The following ELP2 variants were observed in gnomAD, a reference collection of about 807,000 sequenced individuals.
The protein encoded by ELP2 is elongator complex protein 2.
Under a neutral mutation model 119.2 loss-of-function variants are expected in ELP2, and 90 were observed. That is an observed-to-expected ratio of 0.75 (90% CI 0.64 to 0.90). The LOEUF (loss-of-function observed/expected upper bound fraction) is 0.90, where lower values mean the gene tolerates loss of function less well. Ranked by LOEUF, ELP2 falls within the 40% of genes least tolerant of loss-of-function variation. ELP2 has a pLI of 0.00. For synonymous variants in ELP2, 339 were observed against 331.0 expected (o/e 1.02, Z -0.26); for missense variants, 921 against 967.8 (o/e 0.95, Z 0.64).
At chr18:36,152,106 T>C (rs1454602168) in intron 11 of ELP2, among the ~76,000 whole-genome samples, 1 of 151,242 alleles carries the variant, frequency 6.6e-6, no homozygotes, top group Non-Finnish European at 1.5e-5. Flanking sequence ...GGTGGGAAGA[T>C]CACTTGGGCC....
chr18:36,180,391 C>T lies in ELP2; in HGVS notation c.*5750C>T, dbSNP rs148238139. ...CAGCAGAGAACTGGGGTGCTTCATT[C>T]TGGAAGAAAGGGAGAACAACAGTAA... On this transcript the variant is annotated 3_prime_UTR_variant, in exon 22 of 22. Coordinates refer to ENST00000358232, the MANE Select transcript of ELP2 (RefSeq NM_018255.4). 3.3e-5 allele frequency: 5 copies of T among 152,274 alleles called. No individual in the cohort carries two copies. Among genetic ancestry groups the T allele is most frequent in the Admixed American group, 1.3e-4 (2 of 15,292 alleles). The allele number at this position is 152,274 out of a possible 1,614,324, so 9.4% of individuals were successfully genotyped here.
Position 36,176,976 on chromosome 18 carries a change from T to C in ELP2, c.*2335T>C, listed in dbSNP as rs2091237259. 6.6e-6 allele frequency: 1 copy of C among 152,132 alleles called. No individual in the cohort carries two copies. The highest frequency in any genetic ancestry group is 6.5e-5 in the Admixed American group (1 of 15,272). The allele number at this position is 152,132 out of a possible 1,614,324, so 9.4% of individuals were successfully genotyped here. On this transcript the variant is annotated 3_prime_UTR_variant, in exon 22 of 22. Coordinates refer to ENST00000358232, the MANE Select transcript of ELP2 (RefSeq NM_018255.4). Reference sequence around the variant, plus strand: ...AAAGTTTTCTGTAGTGACGCACGTGTTGTGTGTGTATGTGTGCGTTTGAGG... The same window carrying C: ...AAAGTTTTCTGTAGTGACGCACGTGCTGTGTGTGTATGTGTGCGTTTGAGG...
At position 36,174,629 on chromosome 18, in the gene ELP2, A is replaced by G; in HGVS notation, c.2469A>G (p.Lys823=). The G allele has an allele frequency of 6.2e-7, 1 of 1,614,124 alleles. No individual in the cohort carries two copies. ...CTGTGAAGATACACAGAGTCAATAA[A>G]TGTGCACTGTAATGGACTTAATAAC... The part of the protein sequence containing the change: ...DHTVKIHRVN[K]CAL Residue 823 remains lysine, a synonymous_variant, in exon 22 of 22, where the codon AAA becomes AAG. Coordinates refer to ENST00000358232, the MANE Select transcript of ELP2 (RefSeq NM_018255.4).
intron 2 of ELP2, among the ~76,000 whole-genome samples, chr18:36,135,547 A>T (rs923954294): frequency 6.6e-6 from 1 of 152,074 alleles, no homozygotes; most frequent in Non-Finnish European, 1.5e-5. Context: ...TAAAAAGAAA[A>T]TCCAAACCCA....
At chr18:36,150,740 A>G (rs2090369594) in intron 11 of ELP2, among the ~76,000 whole-genome samples, 1 of 152,140 alleles carries the variant, frequency 6.6e-6, no homozygotes, top group Admixed American at 6.5e-5. Flanking sequence ...TGAAGGTCAG[A>G]TTTACATGCT....
At chr18:36,149,799 GT>G (rs2090340157) in intron 11 of ELP2, among the ~76,000 whole-genome samples, 1 of 152,020 alleles carries the variant, frequency 6.6e-6, no homozygotes, top group Non-Finnish European at 1.5e-5. Flanking sequence ...ATGAAGGTGT[GT>G]AAGCCAGCCC....
At chr18:36,140,381 C>G (rs923525114) in intron 5 of ELP2, among the ~76,000 whole-genome samples, 1 of 152,032 alleles carries the variant, frequency 6.6e-6, no homozygotes, top group South Asian at 2.1e-4. Flanking sequence ...GAGTCTCGCT[C>G]CGTCGCCCAG....
At chr18:36,133,055 T>C (rs2089689779) in intron 1 of ELP2, among the ~76,000 whole-genome samples, 183 bp from the exon 2 acceptor site, 1 of 152,162 alleles carries the variant, frequency 6.6e-6, no homozygotes, top group Non-Finnish European at 1.5e-5. Context: ...AAGGCAGGAC[T>C]GATTTAGAGG....
At chr18:36,169,815 G>A in intron 19 of ELP2, 1 of 534,552 alleles carries the variant, frequency 1.9e-6, no homozygotes, top group South Asian at 2.0e-5. Context: ...CCTCTCTGTG[G>A]TCTCTGGGCA....
chr18:36,146,639 T>C (rs1404890409), intron 11 of ELP2, among the ~76,000 whole-genome samples: 1 of 152,204 alleles, frequency 6.6e-6, no homozygotes, highest in East Asian at 1.9e-4. Context: ...TCCTGTCTTC[T>C]TAAAAAGTTA....
intron 13 of ELP2, among the ~76,000 whole-genome samples, chr18:36,158,105 A>G (rs1215023118): frequency 1.3e-5 from 2 of 152,190 alleles, no homozygotes; most frequent in Admixed American, 6.5e-5. Context: ...TCTGAGATAA[A>G]GCATACTGTT....
At chr18:36,159,481 G>A (rs1301574355) in intron 14 of ELP2, among the ~76,000 whole-genome samples, 2 of 152,162 alleles carry the variant, frequency 1.3e-5, no homozygotes, top group Non-Finnish European at 2.9e-5. Context: ...TGGTTGTGTA[G>A]TTTTAAAAGT....
At chr18:36,130,110 C>T (rs2089543945) in intron 1 of ELP2, 39 bp downstream of exon 1, 11 of 1,613,328 alleles carry the variant, frequency 6.8e-6, no homozygotes, top group Non-Finnish European at 9.3e-6. Context: ...TTGTGCTTTT[C>T]GGGTTGAACC....
intron 11 of ELP2, among the ~76,000 whole-genome samples, chr18:36,149,606 T>C (rs965475644): frequency 2.0e-5 from 3 of 151,618 alleles, no homozygotes; most frequent in Non-Finnish European, 2.9e-5. Flanking sequence ...AAAAATTTTT[T>C]TGAGGCGATT....
intron 13 of ELP2, among the ~76,000 whole-genome samples, chr18:36,157,768 G>A (rs538057886): frequency 1.4e-4 from 22 of 152,278 alleles, no homozygotes; most frequent in Non-Finnish European, 3.2e-4. Flanking sequence ...TTAAGATTCT[G>A]TTATGCTTGT....
chr18:36,148,747 G>T (rs565230842), intron 11 of ELP2, among the ~76,000 whole-genome samples: 1 of 152,270 alleles, frequency 6.6e-6, no homozygotes. Flanking sequence ...ATCGTTGCAG[G>T]CGCCTGTGGT....
chr18:36,159,715 GAT>G lies in ELP2; in HGVS notation c.1535-19_1535-18del, dbSNP rs1290986819. On this transcript the variant is annotated intron_variant, in intron 14 of 21. Coordinates refer to ENST00000358232, the MANE Select transcript of ELP2 (RefSeq NM_018255.4). The stretch of plus-strand genomic sequence containing the variant: ...ATATAAAAATAGTGACTATATTCTT[GAT>G]GTGTTTCTTCAAACTAGGAGATATA... 1 of 1,550,870 alleles carries G rather than the reference GAT, an allele frequency of 6.4e-7. No homozygotes were observed. The highest frequency in any genetic ancestry group is 1.4e-5 in the African/African-American group (1 of 73,634).
chr18:36,164,818 A>G, intron 18 of ELP2, 151 bp downstream of exon 18: 2 of 715,798 alleles, frequency 2.8e-6, no homozygotes, highest in Non-Finnish European at 4.8e-6. Context: ...TAACTGAGGA[A>G]GACTTGACCT....
chr18:36,152,104 G>A (rs1241316925), intron 11 of ELP2, among the ~76,000 whole-genome samples: 2 of 151,142 alleles, frequency 1.3e-5, no homozygotes, highest in East Asian at 3.9e-4. Flanking sequence ...GAGGTGGGAA[G>A]ATCACTTGGG....
Sources: gnomAD v4.1 joint callset for allele counts (sites outside exome capture counted in the v4.1 genomes callset) on GRCh38, gnomAD v4.1.1 for gene constraint, MANE v1.5 for transcripts, NCBI Gene and HGNC (gene_info 2026-07-23, HGNC 2026-07-21) for gene names.